Variants in FRMD4A observed in about 807,000 individuals in gnomAD.
FRMD4A encodes the protein FERM domain-containing protein 4A.
In FRMD4A, 29 loss-of-function variants were observed where a neutral mutation model predicts 129.1. The ratio of observed to expected loss-of-function variants is 0.22; its 90% CI spans 0.17 to 0.31. The LOEUF is 0.31. Among genes scored for constraint, FRMD4A ranks in the 10% least tolerant of loss-of-function variants. FRMD4A has a pLI of 1.00. For synonymous variants in FRMD4A, 634 were observed against 571.6 expected (o/e 1.11, Z -1.56); for missense variants, 1,272 against 1,375.8 (o/e 0.92, Z 1.19).
At chr10:14,047,323 G>A (rs1411416307) in intron 2 of FRMD4A, among the ~76,000 whole-genome samples, 1 of 152,144 alleles carries the variant, frequency 6.6e-6, no homozygotes, top group Non-Finnish European at 1.5e-5. Context: ...TAATCGGCTG[G>A]TACCTCACAG....
intron 2 of FRMD4A, among the ~76,000 whole-genome samples, chr10:14,175,709 G>C (rs1313475229): frequency 2.6e-5 from 4 of 151,860 alleles, no homozygotes; most frequent in Non-Finnish European, 5.9e-5. Flanking sequence ...TTTTTTTATG[G>C]AGACAGGGTC....
chr10:14,320,125 C>T (rs1215055241), intron 2 of FRMD4A, among the ~76,000 whole-genome samples: 1 of 152,126 alleles, frequency 6.6e-6, no homozygotes, highest in Non-Finnish European at 1.5e-5. Flanking sequence ...TGCCTCTAAA[C>T]TGGCCCTCTC....
intron 11 of FRMD4A, among the ~76,000 whole-genome samples, chr10:13,738,278 T>C (rs1399191691): frequency 6.6e-6 from 1 of 152,198 alleles, no homozygotes; most frequent in Non-Finnish European, 1.5e-5. Flanking sequence ...CATGCCGGGA[T>C]GCTCACTCAC....
chr10:14,088,929 G>A (rs1449510616), intron 2 of FRMD4A, among the ~76,000 whole-genome samples: 1 of 152,164 alleles, frequency 6.6e-6, no homozygotes, highest in Non-Finnish European at 1.5e-5. Context: ...AGCAGGGGCG[G>A]GGACCAGGGG....
In FRMD4A at chr10:14,067,487, T is replaced by C. The variant is rs1177201858; in HGVS notation, c.46-208575A>G. 5.9e-5 allele frequency among the ~76,000 whole-genome samples: 9 copies of C among 152,124 alleles called. No homozygotes were observed. In the East Asian group the frequency reaches 1.6e-3, roughly 26 times the overall value. ...ATGACAGCAGAACTAGGAAATAGCA[T>C]CAATATATCAGGTCCCTTGCCCACT... On this transcript the variant is annotated intron_variant, in intron 2 of 24. Coordinates refer to ENST00000357447, the MANE Select transcript of FRMD4A (RefSeq NM_018027.5).
At chr10:14,068,775 G>A (rs1246461786) in intron 2 of FRMD4A, among the ~76,000 whole-genome samples, 1 of 152,122 alleles carries the variant, frequency 6.6e-6, no homozygotes. Flanking sequence ...TTTAATTGGA[G>A]TAGTTTCCTG....
intron 2 of FRMD4A, among the ~76,000 whole-genome samples, chr10:14,013,443 G>C (rs1204159377): frequency 6.6e-6 from 1 of 152,154 alleles, no homozygotes; most frequent in Non-Finnish European, 1.5e-5. Flanking sequence ...GGCTGTAGGA[G>C]GAGGGAGAGG....
At chr10:14,052,087 G>A (rs1313375252) in intron 2 of FRMD4A, among the ~76,000 whole-genome samples, 6 of 152,208 alleles carry the variant, frequency 3.9e-5, no homozygotes, top group Admixed American at 3.3e-4. Flanking sequence ...GCCAATGGAA[G>A]CAGGGATGGC....
intron 2 of FRMD4A, among the ~76,000 whole-genome samples, chr10:13,922,743 A>T (rs2095087468): frequency 6.6e-6 from 1 of 152,170 alleles, no homozygotes; most frequent in Admixed American, 6.5e-5. Context: ...TTAGAAACCC[A>T]CAAGTTCTGT....
chr10:14,177,307 C>T (rs1389666204), intron 2 of FRMD4A, among the ~76,000 whole-genome samples: 1 of 151,982 alleles, frequency 6.6e-6, no homozygotes, highest in Non-Finnish European at 1.5e-5. Context: ...AAGTGATTCC[C>T]GTGCCTCAGC....
At chr10:13,917,017 C>T (rs2095016249) in intron 2 of FRMD4A, among the ~76,000 whole-genome samples, 1 of 152,170 alleles carries the variant, frequency 6.6e-6, no homozygotes, top group Non-Finnish European at 1.5e-5. Context: ...TCTGTGTGCT[C>T]ACCGAAGTTT....
intron 15 of FRMD4A, 111 bp downstream of exon 15, chr10:13,693,787 G>T: frequency 8.7e-7 from 1 of 1,146,352 alleles, no homozygotes; most frequent in Non-Finnish European, 1.3e-6. Context: ...AGCCAGCTTT[G>T]GAGCAGCTTG....
chr10:13,672,097 ATG>A (rs944767594), intron 16 of FRMD4A, among the ~76,000 whole-genome samples: 6 of 152,196 alleles, frequency 3.9e-5, no homozygotes, highest in South Asian at 2.1e-4. Context: ...TGGTGTGTGC[ATG>A]TGTGTGCGTG....
intron 2 of FRMD4A, among the ~76,000 whole-genome samples, chr10:14,140,747 A>G (rs1589061259): frequency 6.6e-6 from 1 of 152,124 alleles, no homozygotes; most frequent in Non-Finnish European, 1.5e-5. Flanking sequence ...AATGGAGAGG[A>G]ATATCCTTCA....
rs147616367 is a variant in FRMD4A at position 14,150,347 on chromosome 10, A to G, written c.45+179711T>C. Among the ~76,000 whole-genome samples the G allele has an allele frequency of 3.2e-4, 49 of 152,356 alleles. No homozygotes were observed. In the East Asian group the frequency reaches 7.5e-3, roughly 23 times the overall value. ...ACAAATCAGAGCCTGTGAACTGCTG[A>G]TAAGTAGTATCGGCTTCATTCTCAG... On this transcript the variant is annotated intron_variant, in intron 2 of 24. Transcript: ENST00000357447.
chr10:14,098,029 TAG>T lies in FRMD4A; in HGVS notation c.45+232027_45+232028del, dbSNP rs1837082007. 5.3e-4 allele frequency among the ~76,000 whole-genome samples: 46 copies of T among 87,540 alleles called. No homozygotes were observed. The South Asian group carries it at 0.011, about 21-fold the overall frequency. 57.4% of individuals were successfully genotyped at this position (87,540 alleles called of 152,430 possible). On this transcript the variant is annotated intron_variant, in intron 2 of 24. Transcript: ENST00000357447. ...TATAAATTATATATTATATAAATTA[TAG>T]ATTATATATAAATTATTTATTATAT...
At chr10:13,798,015 T>C (rs1362165214) in intron 4 of FRMD4A, among the ~76,000 whole-genome samples, 1 of 152,216 alleles carries the variant, frequency 6.6e-6, no homozygotes, top group Non-Finnish European at 1.5e-5. Context: ...TGAAGAACTT[T>C]GGCCTGTTTT....
At chr10:14,176,616 A>T (rs1221663808) in intron 2 of FRMD4A, among the ~76,000 whole-genome samples, 1 of 151,762 alleles carries the variant, frequency 6.6e-6, no homozygotes. Context: ...CTGGGATTAT[A>T]GGCACGCACC....
chr10:13,905,920 G>A (rs2094877536), intron 2 of FRMD4A, among the ~76,000 whole-genome samples: 1 of 152,210 alleles, frequency 6.6e-6, no homozygotes, highest in African/African-American at 2.4e-5. Context: ...GGAAAGAATT[G>A]GAAGTTTAAG....
Sources: allele counts gnomAD v4.1 joint callset (sites outside exome capture counted in the v4.1 genomes callset), GRCh38; gene constraint gnomAD v4.1.1; transcripts MANE v1.5; gene names NCBI Gene and HGNC (gene_info 2026-07-23, HGNC 2026-07-21).